The following ZNF366 variants were observed in gnomAD, a reference collection of about 807,000 sequenced individuals.
ZNF366 encodes dendritic cell-specific transcript protein.
ZNF366 carries 20 observed loss-of-function variants against 47.2 expected under a neutral mutation model. The ratio of observed to expected loss-of-function variants is 0.42; its 90% CI spans 0.30 to 0.62. The LOEUF (loss-of-function observed/expected upper bound fraction) is 0.62. Among genes scored for constraint, ZNF366 ranks in the 20% least tolerant of loss-of-function variants. The pLI, the probability that ZNF366 is intolerant of heterozygous loss-of-function variation, is 0.16. For missense variants in ZNF366, 987 were observed against 976.3 expected (o/e 1.01, Z -0.15); for synonymous variants, 421 against 395.1 (o/e 1.07, Z -0.78).
chr5:72,483,251 G>A (rs1435533522), intron 1 of ZNF366, among the ~76,000 whole-genome samples: 1 of 152,164 alleles, frequency 6.6e-6, no homozygotes, highest in Non-Finnish European at 1.5e-5. Context: ...TAACTCAGAG[G>A]TGAGGTCCAG....
In ZNF366 at chr5:72,443,513, T is replaced by TTTATTATAC. The variant is rs1343410234; in HGVS notation, c.*234_*242dup. ...TAGATATCTGGAAGAATACTCACAGTTTATTATACTGGCAATGCATAAAAC... is the reference window on the plus strand; with the variant it reads ...TAGATATCTGGAAGAATACTCACAGTTTATTATACTTATTATACTGGCAATGCATAAAAC... On this transcript the variant is annotated 3_prime_UTR_variant, in exon 5 of 5. Transcript: ENST00000318442. 2.2e-6 allele frequency: 1 copy of TTTATTATAC among 444,454 alleles called. No individual in the cohort carries two copies. Among genetic ancestry groups the TTTATTATAC allele is most frequent in the Non-Finnish European group, 4.0e-6 (1 of 251,632 alleles). 27.5% of individuals were successfully genotyped at this position (444,454 alleles called of 1,614,324 possible).
chr5:72,491,933 T>C (rs1284226332), intron 1 of ZNF366, among the ~76,000 whole-genome samples: 3 of 152,242 alleles, frequency 2.0e-5, no homozygotes, highest in Admixed American at 1.3e-4. Flanking sequence ...TACTCTGTAC[T>C]GGCCAAAACC....
chr5:72,447,676 TA>T (rs1423945854), intron 3 of ZNF366, among the ~76,000 whole-genome samples: 1 of 152,216 alleles, frequency 6.6e-6, no homozygotes, highest in African/African-American at 2.4e-5. Flanking sequence ...TTCTTTTGAA[TA>T]AAAGCTTTTG....
At chr5:72,449,460 C>T (rs1215970290) in intron 3 of ZNF366, among the ~76,000 whole-genome samples, 2 of 152,200 alleles carry the variant, frequency 1.3e-5, no homozygotes, top group African/African-American at 4.8e-5. Flanking sequence ...CGGTCCCAAA[C>T]TCCTGACCTC....
At chr5:72,447,120 C>T in intron 4 of ZNF366, 123 bp downstream of exon 4, 4 of 1,079,440 alleles carry the variant, frequency 3.7e-6, no homozygotes, top group Non-Finnish European at 5.3e-6. Flanking sequence ...TATAAGGTTA[C>T]TCTTGCTACT....
At chr5:72,480,918 G>C (rs1343586553) in intron 1 of ZNF366, among the ~76,000 whole-genome samples, 1 of 152,190 alleles carries the variant, frequency 6.6e-6, no homozygotes, top group African/African-American at 2.4e-5. Context: ...AGCAAGCCAC[G>C]CTTTAAGAGC....
chr5:72,447,431 G>A lies in ZNF366; in HGVS notation c.1525-14C>T, dbSNP rs1192897428. 1.9e-6 allele frequency: 3 copies of A among 1,613,730 alleles called. No homozygotes were observed. The Admixed American group carries it at 5.0e-5, about 27-fold the overall frequency. ...CTTCCCACAAAGCTGTTGAAGATGGGGATGAGAACACAGGTTACTCTGCCC... is the reference window on the plus strand; with the variant it reads ...CTTCCCACAAAGCTGTTGAAGATGGAGATGAGAACACAGGTTACTCTGCCC... On this transcript the variant is annotated splice_polypyrimidine_tract_variant and intron_variant, in intron 3 of 4. Coordinates refer to ENST00000318442, the MANE Select transcript of ZNF366 (RefSeq NM_152625.3).
chr5:72,481,022 C>G (rs112120525), intron 1 of ZNF366, among the ~76,000 whole-genome samples: 1 of 152,048 alleles, frequency 6.6e-6, no homozygotes, highest in Non-Finnish European at 1.5e-5. Context: ...TATTGAAGGA[C>G]GGAAGGAACA....
intron 1 of ZNF366, among the ~76,000 whole-genome samples, chr5:72,505,899 C>T (rs749568956): frequency 1.3e-5 from 2 of 152,154 alleles, no homozygotes; most frequent in African/African-American, 2.4e-5. Context: ...ACGCTATTCA[C>T]GTCTCTTTAC....
chr5:72,457,705 A>T (rs1743217995), intron 2 of ZNF366, among the ~76,000 whole-genome samples: 1 of 152,188 alleles, frequency 6.6e-6, no homozygotes, highest in South Asian at 2.1e-4. Flanking sequence ...TACTGGCTGT[A>T]AAACCTTAGA....
intron 1 of ZNF366, among the ~76,000 whole-genome samples, chr5:72,485,287 C>T (rs1369568474): frequency 6.6e-6 from 1 of 152,182 alleles, no homozygotes; most frequent in African/African-American, 2.4e-5. Context: ...GTCAGGGATC[C>T]TGTTAGTTCA....
intron 1 of ZNF366, among the ~76,000 whole-genome samples, chr5:72,491,328 A>C (rs1744003888): frequency 6.6e-6 from 1 of 152,192 alleles, no homozygotes; most frequent in Admixed American, 6.5e-5. Flanking sequence ...TTTAGGTTGC[A>C]TGTGATTATT....
At chr5:72,464,798 T>A (rs535348356) in intron 1 of ZNF366, among the ~76,000 whole-genome samples, 2 of 152,052 alleles carry the variant, frequency 1.3e-5, no homozygotes, top group South Asian at 4.2e-4. Flanking sequence ...CAATGGCTCA[T>A]GCCTGTAATC....
At chr5:72,474,360 G>A (rs1030440551) in intron 1 of ZNF366, among the ~76,000 whole-genome samples, 2 of 151,896 alleles carry the variant, frequency 1.3e-5, no homozygotes, top group Non-Finnish European at 2.9e-5. Context: ...ACACAAAGGA[G>A]AAAGGACAGG....
At position 72,491,224 on chromosome 5, in the gene ZNF366, G is replaced by A. The variant is rs993222892; in HGVS notation, c.-15+16027C>T. On this transcript the variant is annotated intron_variant, in intron 1 of 4. Coordinates refer to ENST00000318442, the MANE Select transcript of ZNF366 (RefSeq NM_152625.3). Reference sequence around the variant, plus strand: ...CCACAGCCCCACAAAAGGGGTGTACGTGGCCAAAGACACATCATTGCAGAA... The same window carrying A: ...CCACAGCCCCACAAAAGGGGTGTACATGGCCAAAGACACATCATTGCAGAA... Among the ~76,000 whole-genome samples, 9 of 152,342 alleles carry A rather than the reference G, an allele frequency of 5.9e-5. No homozygotes were observed. The East Asian group carries it at 1.3e-3, about 23-fold the overall frequency.
chr5:72,496,366 AT>A (rs1323097161), intron 1 of ZNF366, among the ~76,000 whole-genome samples: 3 of 152,194 alleles, frequency 2.0e-5, no homozygotes, highest in Admixed American at 1.3e-4. Context: ...AAAGAAAATC[AT>A]TTGATATTTA....
rs1225036126 is a variant in ZNF366 at position 72,441,311 on chromosome 5, C to T, written c.*2445G>A. 1 of 152,232 alleles carries T rather than the reference C, an allele frequency of 6.6e-6. No individual in the cohort carries two copies. The highest frequency in any genetic ancestry group is 6.5e-5 in the Admixed American group (1 of 15,282). The allele number at this position is 152,232 out of a possible 1,614,324, so 9.4% of individuals were successfully genotyped here. On this transcript the variant is annotated 3_prime_UTR_variant, in exon 5 of 5. Transcript: ENST00000318442. ...CACAGCACATAGTAGGTCCTCAACA[C>T]ATGGCCGCAGTGTGAATAAATGTGT... is the stretch of plus-strand genomic sequence containing the variant.
At chr5:72,448,843 A>G (rs1177221771) in intron 3 of ZNF366, among the ~76,000 whole-genome samples, 1 of 152,254 alleles carries the variant, frequency 6.6e-6, no homozygotes, top group Non-Finnish European at 1.5e-5. Flanking sequence ...AGTTTAGCGT[A>G]GAAGAATGCT....
intron 3 of ZNF366, among the ~76,000 whole-genome samples, chr5:72,452,609 G>A (rs945857463): frequency 6.6e-6 from 1 of 152,208 alleles, no homozygotes; most frequent in Non-Finnish European, 1.5e-5. Flanking sequence ...AACAGTGGTG[G>A]AACCCCTCTG....
Sources: allele counts gnomAD v4.1 joint callset (sites outside exome capture counted in the v4.1 genomes callset), GRCh38; gene constraint gnomAD v4.1.1; transcripts MANE v1.5; gene names NCBI Gene and HGNC (gene_info 2026-07-23, HGNC 2026-07-21).